The following EPM2A variants were observed in gnomAD, a reference collection of about 807,000 sequenced individuals.
The protein encoded by EPM2A is EPM2A glucan phosphatase, laforin, also known as laforin.
Under a neutral mutation model 26.5 loss-of-function variants are expected in EPM2A, and 21 were observed. That is an observed-to-expected ratio of 0.79 (90% CI 0.56 to 1.14). EPM2A has a LOEUF of 1.14. Among genes scored for constraint, EPM2A ranks in the 50% most tolerant of loss-of-function variants. The probability of loss-of-function intolerance (pLI) is 0.00; values close to 1 mark genes in which losing one functional copy is unlikely to be tolerated. For missense variants in EPM2A, 458 were observed against 440.8 expected, an observed-to-expected ratio of 1.04 and a Z score of -0.35; for synonymous variants, 217 against 177.6, an observed-to-expected ratio of 1.22 and a Z score of -1.76.
At chr6:145,681,129 T>C (rs1780497287) in intron 2 of EPM2A, among the ~76,000 whole-genome samples, 1 of 152,202 alleles carries the variant, frequency 6.6e-6, no homozygotes, top group Admixed American at 6.5e-5. Flanking sequence ...GATTTGCATT[T>C]CTCTGATGGC....
At chr6:145,614,578 A>C (rs1377932432) in intron 2 of EPM2A, among the ~76,000 whole-genome samples, 1 of 152,200 alleles carries the variant, frequency 6.6e-6, no homozygotes, top group Non-Finnish European at 1.5e-5. Flanking sequence ...ATCTCACTTG[A>C]GCACTTAGAG....
At chr6:145,412,814 CAGAAAATGTGATTTTGCAAG>C (rs1367294140) in intron 4 of EPM2A, among the ~76,000 whole-genome samples, 1 of 152,070 alleles carries the variant, frequency 6.6e-6, no homozygotes, top group Non-Finnish European at 1.5e-5. Flanking sequence ...TGTATGGAAC[CAGAAAATGTGATTTTGCAAG>C]AGGCCCTGAG....
At chr6:145,537,406 A>ACT (rs942357830) in intron 2 of EPM2A, among the ~76,000 whole-genome samples, 1 of 152,070 alleles carries the variant, frequency 6.6e-6, no homozygotes, top group African/African-American at 2.4e-5. Context: ...AGACACAAAT[A>ACT]CTCTGATAAT....
chr6:145,690,087 T>C (rs1329783659), intron 1 of EPM2A, among the ~76,000 whole-genome samples: 2 of 152,106 alleles, frequency 1.3e-5, no homozygotes, highest in Admixed American at 6.5e-5. Flanking sequence ...ACCACCCCAC[T>C]CAGGGAGGAG....
intron 1 of EPM2A, among the ~76,000 whole-genome samples, chr6:145,698,651 C>T (rs540691053): frequency 2.6e-5 from 4 of 151,596 alleles, no homozygotes; most frequent in Admixed American, 2.0e-4. Flanking sequence ...AAAATTTAAT[C>T]GTGCATTTTT....
chr6:145,729,692 G>T (rs1776385687), intron 1 of EPM2A, among the ~76,000 whole-genome samples: 1 of 152,186 alleles, frequency 6.6e-6, no homozygotes, highest in African/African-American at 2.4e-5. Context: ...AAAGGGACTT[G>T]CCTTGTCTCA....
rs1781302916 is a variant in EPM2A, at chr6:145,593,568, A to T, written c.340+41677T>A. ...CTTAACAAATTTTTTGAACATAAAA[A>T]TTATATAAAGTATGTTTTCAGAACA... On this transcript the variant is annotated intron_variant, in intron 2 of 3. Transcript: ENST00000450221. Among the ~76,000 whole-genome samples the T allele has an allele frequency of 2.0e-5, 3 of 152,092 alleles. No individual in the cohort carries two copies. The East Asian group carries it at 5.8e-4, about 29-fold the overall frequency.
downstream of EPM2A, among the ~76,000 whole-genome samples, chr6:145,497,726 G>A (rs117215810): frequency 4.8e-3 from 735 of 152,348 alleles, 25 homozygotes; most frequent in East Asian, 0.088. Context: ...GTTGGCCAGA[G>A]AACATCGACC....
intron 1 of EPM2A, among the ~76,000 whole-genome samples, chr6:145,692,986 C>G (rs1480688473): frequency 6.6e-6 from 1 of 152,010 alleles, no homozygotes; most frequent in Non-Finnish European, 1.5e-5. Flanking sequence ...AGGGTTGAAT[C>G]TATAAATTTC....
At chr6:145,661,886 C>G (rs1305337811) in intron 2 of EPM2A, among the ~76,000 whole-genome samples, 2 of 152,120 alleles carry the variant, frequency 1.3e-5, no homozygotes, top group Non-Finnish European at 2.9e-5. Context: ...TTCACATTCA[C>G]TGCATCTCTG....
At chr6:145,419,004 G>A (rs979100809) in intron 4 of EPM2A, among the ~76,000 whole-genome samples, 3 of 152,252 alleles carry the variant, frequency 2.0e-5, no homozygotes, top group South Asian at 2.1e-4. Context: ...TTTGACTGGC[G>A]AGTCAGAGGC....
At chr6:145,490,543 C>G (rs1779740884) in intron 4 of EPM2A, 1 of 712,308 alleles carries the variant, frequency 1.4e-6, no homozygotes, top group Admixed American at 1.8e-5. Flanking sequence ...AACTTTCTTC[C>G]CAGTTCTTTG....
chr6:145,679,940 G>A (rs1349880018), intron 2 of EPM2A: 6 of 151,950 alleles, frequency 3.9e-5, no homozygotes, highest in Non-Finnish European at 7.4e-5. Context: ...TTACTATATT[G>A]GGAAGAATGA....
chr6:145,538,617 C>G (rs777411339), intron 2 of EPM2A, among the ~76,000 whole-genome samples: 5 of 152,228 alleles, frequency 3.3e-5, no homozygotes, highest in Non-Finnish European at 7.3e-5. Context: ...CCAACATATA[C>G]TAAACAAGTA....
chr6:145,453,988 C>T (rs557677984), intron 4 of EPM2A, among the ~76,000 whole-genome samples: 43 of 152,320 alleles, frequency 2.8e-4, no homozygotes, highest in African/African-American at 1.0e-3. Context: ...TAAGCACATC[C>T]TATGAGTTTT....
At chr6:145,604,653 T>C (rs2128550808) in intron 2 of EPM2A, among the ~76,000 whole-genome samples, 1 of 152,268 alleles carries the variant, frequency 6.6e-6, no homozygotes. Flanking sequence ...AATACTTTAC[T>C]GAAAACTGTA....
At chr6:145,589,151 T>C (rs1008220217) in intron 2 of EPM2A, among the ~76,000 whole-genome samples, 2 of 152,114 alleles carry the variant, frequency 1.3e-5, no homozygotes, top group African/African-American at 2.4e-5. Flanking sequence ...ACAGTGCTGT[T>C]CTCTAGAAGC....
At chr6:145,485,538 A>T (rs1464579087) in intron 4 of EPM2A, among the ~76,000 whole-genome samples, 31 of 152,134 alleles carry the variant, frequency 2.0e-4, no homozygotes, top group Admixed American at 2.0e-3. Flanking sequence ...AAGGAAGCAA[A>T]CAGGGTTGAA....
intron 4 of EPM2A, among the ~76,000 whole-genome samples, chr6:145,445,685 T>G (rs960277668): frequency 6.6e-6 from 1 of 152,212 alleles, no homozygotes; most frequent in Non-Finnish European, 1.5e-5. Flanking sequence ...TTGTTTGTTT[T>G]TTTGGAGAAG....
Sources: gnomAD v4.1 joint callset for allele counts (sites outside exome capture counted in the v4.1 genomes callset) on GRCh38, gnomAD v4.1.1 for gene constraint, MANE v1.5 for transcripts, NCBI Gene and HGNC (gene_info 2026-07-23, HGNC 2026-07-21) for gene names.